RIMBP2: variants seen among roughly 807,000 people sequenced by gnomAD.
RIMBP2 encodes the protein RIMS-binding protein 2.
A neutral mutation model predicts 118.6 loss-of-function variants in RIMBP2; 48 were observed. The ratio of observed to expected loss-of-function variants is 0.40; its 90% CI spans 0.32 to 0.51. The LOEUF (loss-of-function observed/expected upper bound fraction) is 0.51. RIMBP2 is among the 20% of genes least tolerant of loss of function. The pLI is 0.41. For synonymous variants in RIMBP2, 762 were observed against 742.9 expected, an observed-to-expected ratio of 1.03 and a Z score of -0.42; for missense variants, 1,551 against 1,768.3, an observed-to-expected ratio of 0.88 and a Z score of 2.20.
At position 130,478,970 on chromosome 12, in the gene RIMBP2, T is replaced by TGCTCCAACTGCA; in HGVS notation, c.32_43dup (p.Leu11_Glu14dup). On this transcript the variant is annotated inframe_insertion, in exon 5 of 23. Transcript: ENST00000690449. ...ACTGAGAACAGCCAGGGCCTGGTCA[T>TGCTCCAACTGCA]GCTCCAACTGCAGCTGCTGCCGCCG... The TGCTCCAACTGCA allele has an allele frequency of 6.2e-7, 1 of 1,613,998 alleles. No homozygotes were observed. Among genetic ancestry groups the TGCTCCAACTGCA allele is most frequent in the Non-Finnish European group, 8.5e-7 (1 of 1,179,974 alleles).
intron 2 of RIMBP2, among the ~76,000 whole-genome samples, chr12:130,563,969 C>T (rs2057015407): frequency 6.6e-6 from 1 of 152,118 alleles, no homozygotes; most frequent in African/African-American, 2.4e-5. Flanking sequence ...TACATTTTCC[C>T]CTCGCTCACT....
rs77657520 is a variant in RIMBP2, at chr12:130,451,417, C to T, written c.359-77G>A. The T allele has an allele frequency of 4.3e-5, 62 of 1,457,634 alleles. No individual in the cohort carries two copies. The Admixed American group carries it at 9.8e-4, about 23-fold the overall frequency. The allele number at this position is 1,457,634 out of a possible 1,614,324, so 90.3% of individuals were successfully genotyped here. On this transcript the variant is annotated intron_variant, in intron 7 of 22. Transcript: ENST00000690449. ...AAAGCACGTTGGTCATGCGCCTACC[C>T]GGGGTGCCTTTCCCCTCTTTGACAA...
chr12:130,567,910 T>C (rs889083788), intron 2 of RIMBP2, among the ~76,000 whole-genome samples: 1 of 152,140 alleles, frequency 6.6e-6, no homozygotes, highest in Admixed American at 6.5e-5. Context: ...CCTCACCTGA[T>C]ACACCTGTGC....
At chr12:130,585,300 G>T (rs2058812113) in intron 2 of RIMBP2, among the ~76,000 whole-genome samples, 1 of 152,160 alleles carries the variant, frequency 6.6e-6, no homozygotes, top group Non-Finnish European at 1.5e-5. Context: ...TCATGAGGCG[G>T]GGCGATGGGG....
In RIMBP2 at chr12:130,551,180, T is replaced by G. The variant is rs1297205549; in HGVS notation, c.-216-33263A>C. Among the ~76,000 whole-genome samples, 4 of 152,124 alleles carry G rather than the reference T, an allele frequency of 2.6e-5. No individual in the cohort carries two copies. In the East Asian group the frequency reaches 7.7e-4, roughly 29 times the overall value. ...CAGGAATTACAAAAAGGAGGGTGACTCCAGCAAGAGCCCCAGATGTGGAAG... is the reference window on the plus strand; with the variant it reads ...CAGGAATTACAAAAAGGAGGGTGACGCCAGCAAGAGCCCCAGATGTGGAAG... On this transcript the variant is annotated intron_variant, in intron 2 of 22. Coordinates refer to ENST00000690449, the MANE Select transcript of RIMBP2 (RefSeq NM_001393629.1).
At chr12:130,676,681 A>G (rs374650197) in intron 1 of RIMBP2, among the ~76,000 whole-genome samples, 2 of 152,152 alleles carry the variant, frequency 1.3e-5, no homozygotes, top group East Asian at 1.9e-4. Context: ...CATACAGTGG[A>G]ATATTACTCA....
At chr12:130,509,432 T>C (rs1257641637) in intron 3 of RIMBP2, among the ~76,000 whole-genome samples, 1 of 152,212 alleles carries the variant, frequency 6.6e-6, no homozygotes, top group Non-Finnish European at 1.5e-5. Context: ...GGAGACGACC[T>C]GGAGAGCCTG....
chr12:130,429,065 C>G (rs1593262326), intron 14 of RIMBP2: 1 of 152,578 alleles, frequency 6.6e-6, no homozygotes, highest in East Asian at 1.9e-4. Flanking sequence ...CCACTGCACT[C>G]CAGCCTGGGC....
chr12:130,562,419 C>A (rs2056889666), intron 2 of RIMBP2, among the ~76,000 whole-genome samples: 1 of 152,212 alleles, frequency 6.6e-6, no homozygotes, highest in East Asian at 1.9e-4. Context: ...CCCTACCTGG[C>A]AAGTGCCTGG....
intron 1 of RIMBP2, among the ~76,000 whole-genome samples, chr12:130,642,235 G>A (rs981737700): frequency 2.0e-5 from 3 of 152,160 alleles, no homozygotes; most frequent in African/African-American, 4.8e-5. Context: ...CCACACTCCA[G>A]GGAGAGGCCC....
At chr12:130,644,770 A>G (rs1273667041) in intron 1 of RIMBP2, among the ~76,000 whole-genome samples, 6 of 152,202 alleles carry the variant, frequency 3.9e-5, no homozygotes, top group Admixed American at 1.3e-4. Context: ...TTACTTAGGT[A>G]TGTCTGAAAT....
intron 1 of RIMBP2, among the ~76,000 whole-genome samples, chr12:130,649,578 C>T (rs865796190): frequency 5.9e-5 from 9 of 152,176 alleles, no homozygotes; most frequent in African/African-American, 9.7e-5. Context: ...CCGGGGTGAA[C>T]GGCTAGCAGA....
chr12:130,479,887 C>T (rs1237866426), intron 4 of RIMBP2, among the ~76,000 whole-genome samples: 2 of 151,686 alleles, frequency 1.3e-5, no homozygotes, highest in Non-Finnish European at 2.9e-5. Context: ...TAACTCTCAC[C>T]TATTTGCCCT....
At chr12:130,438,538 C>T (rs762761547) in intron 11 of RIMBP2, 22 bp from the exon 12 acceptor site, 68 of 1,560,464 alleles carry the variant, frequency 4.4e-5, no homozygotes, top group Middle Eastern at 2.0e-4. Context: ...CAGAAGGGAA[C>T]GGAGGCGTTC....
chr12:130,479,523 T>C (rs4759696), intron 4 of RIMBP2, among the ~76,000 whole-genome samples: 113,031 of 151,920 alleles, frequency 0.74, 42,800 homozygotes, highest in East Asian at 0.89. Context: ...AGGCACAGGA[T>C]GTCATCCTTG....
chr12:130,445,200 G>C lies in RIMBP2; in HGVS notation c.651C>G (p.Leu217=), dbSNP rs149584413. 1 of 1,613,302 alleles carries C rather than the reference G, an allele frequency of 6.2e-7. No individual in the cohort carries two copies. Among genetic ancestry groups the C allele is most frequent in the Non-Finnish European group, 8.5e-7 (1 of 1,179,672 alleles). Residue 217 remains leucine, a synonymous_variant, in exon 10 of 23, where the codon CTC becomes CTG. Transcript: ENST00000690449. ...CCTCATCCATGTCTCCATAGACGTA[G>C]AGGTATTTTCCCGCCGTGAGGGGCA... is the stretch of plus-strand genomic sequence containing the variant. ...AELPLTAGKY[L]YVYGDMDEDG...
At chr12:130,608,614 C>T (rs969736850) in intron 2 of RIMBP2, among the ~76,000 whole-genome samples, 31 of 152,086 alleles carry the variant, frequency 2.0e-4, no homozygotes, top group African/African-American at 6.5e-4. Flanking sequence ...GCATCTCCAC[C>T]GGGGAGGGGA....
chr12:130,458,814 G>T (rs1399858279), intron 6 of RIMBP2, among the ~76,000 whole-genome samples: 2 of 152,104 alleles, frequency 1.3e-5, no homozygotes, highest in Admixed American at 1.3e-4. Flanking sequence ...AGAGGCCGAG[G>T]TGGGCGGATC....
rs1184234146 is a variant in RIMBP2, at chr12:130,412,600, A to G, written c.3589+19T>C. 6.2e-7 allele frequency: 1 copy of G among 1,610,644 alleles called. No individual in the cohort carries two copies. The highest frequency in any genetic ancestry group is 8.5e-7 in the Non-Finnish European group (1 of 1,177,810). On this transcript the variant is annotated intron_variant, in intron 19 of 22. Coordinates refer to ENST00000690449, the MANE Select transcript of RIMBP2 (RefSeq NM_001393629.1). ...GGGATAAAATGCACAGGGAAGGTCG[A>G]ATAGGGGTTTGCGCTTACCTATTTT...
Sources: gnomAD v4.1 joint callset for allele counts (sites outside exome capture counted in the v4.1 genomes callset) on GRCh38, gnomAD v4.1.1 for gene constraint, MANE v1.5 for transcripts, NCBI Gene and HGNC (gene_info 2026-07-23, HGNC 2026-07-21) for gene names.